PRKCA: variants seen among roughly 807,000 people sequenced by gnomAD.
PRKCA encodes protein kinase C alpha type.
A neutral mutation model predicts 87.0 loss-of-function variants in PRKCA; 27 were observed. That is an observed-to-expected ratio of 0.31 (90% CI 0.23 to 0.43). PRKCA has a LOEUF of 0.43. PRKCA is among the 20% of genes least tolerant of loss of function. PRKCA has a pLI of 1.00. For missense variants in PRKCA, 518 were observed against 852.3 expected (o/e 0.61, Z 4.88); for synonymous variants, 329 against 311.1 (o/e 1.06, Z -0.61).
At chr17:66,614,504 C>G (rs912730787) in intron 3 of PRKCA, among the ~76,000 whole-genome samples, 14 of 152,070 alleles carry the variant, frequency 9.2e-5, no homozygotes, top group African/African-American at 3.1e-4. Flanking sequence ...AAAATGTTAC[C>G]GTTTCCTACC....
chr17:66,695,847 G>C (rs760624218), intron 8 of PRKCA, among the ~76,000 whole-genome samples: 4 of 152,180 alleles, frequency 2.6e-5, no homozygotes, highest in Non-Finnish European at 5.9e-5. Flanking sequence ...AAAGCTGATG[G>C]ATAATATATC....
At chr17:66,656,365 G>A (rs1421086841) in intron 5 of PRKCA, among the ~76,000 whole-genome samples, 1 of 152,216 alleles carries the variant, frequency 6.6e-6, no homozygotes, top group Non-Finnish European at 1.5e-5. Context: ...TGGAAGAGGA[G>A]AAGCAAATTA....
chr17:66,608,332 T>C (rs899981050), intron 3 of PRKCA, among the ~76,000 whole-genome samples: 2 of 152,180 alleles, frequency 1.3e-5, no homozygotes, highest in African/African-American at 4.8e-5. Context: ...CAATTTGCAG[T>C]TCTAAAATCA....
At chr17:66,341,064 C>A (rs1907014898) in intron 2 of PRKCA, among the ~76,000 whole-genome samples, 1 of 152,078 alleles carries the variant, frequency 6.6e-6, no homozygotes, top group African/African-American at 2.4e-5. Flanking sequence ...TTCTTTTTCA[C>A]CCCTCTTTTC....
At chr17:66,319,626 T>C (rs2143202651) in intron 2 of PRKCA, among the ~76,000 whole-genome samples, 1 of 152,332 alleles carries the variant, frequency 6.6e-6, no homozygotes, top group South Asian at 2.1e-4. Flanking sequence ...GCAAAACTTT[T>C]TGTCACTAAG....
At chr17:66,577,850 AGTGGG>A (rs2143440884) in intron 3 of PRKCA, among the ~76,000 whole-genome samples, 1 of 152,018 alleles carries the variant, frequency 6.6e-6, no homozygotes, top group African/African-American at 2.4e-5. Context: ...GGGGGTAGGG[AGTGGG>A]GTGCTGCCCT....
chr17:66,377,325 C>T (rs1037914582), intron 2 of PRKCA, among the ~76,000 whole-genome samples: 2 of 151,738 alleles, frequency 1.3e-5, no homozygotes, highest in African/African-American at 4.8e-5. Flanking sequence ...GTGTCAGGCC[C>T]CAAAGCCTCA....
intron 2 of PRKCA, among the ~76,000 whole-genome samples, chr17:66,315,238 T>G (rs1447700699): frequency 1.3e-5 from 2 of 152,140 alleles, no homozygotes; most frequent in East Asian, 3.8e-4. Flanking sequence ...GTGTTGTGAT[T>G]CCCGTTTTAC....
At chr17:66,571,581 G>GA (rs202134303) in intron 3 of PRKCA, among the ~76,000 whole-genome samples, 1 of 152,022 alleles carries the variant, frequency 6.6e-6, no homozygotes, top group Non-Finnish European at 1.5e-5. Flanking sequence ...CTGAAAGAGG[G>GA]AAAAAAACCC....
At chr17:66,651,050 G>T (rs1025298247) in intron 5 of PRKCA, among the ~76,000 whole-genome samples, 2 of 152,264 alleles carry the variant, frequency 1.3e-5, no homozygotes, top group African/African-American at 4.8e-5. Context: ...GAGAAGGGGA[G>T]CCTCAGTGGC....
chr17:66,491,052 A>G (rs1374816959), intron 2 of PRKCA, among the ~76,000 whole-genome samples: 1 of 152,194 alleles, frequency 6.6e-6, no homozygotes, highest in African/African-American at 2.4e-5. Flanking sequence ...AAGCCAGGCA[A>G]TGTCAAGATT....
At chr17:66,640,477 G>A (rs1046355535) in intron 3 of PRKCA, among the ~76,000 whole-genome samples, 2 of 152,204 alleles carry the variant, frequency 1.3e-5, no homozygotes, top group East Asian at 1.9e-4. Flanking sequence ...GTGCCTTTAC[G>A]ATTTTCATCT....
chr17:66,731,860 T>G (rs1973904906), intron 8 of PRKCA, among the ~76,000 whole-genome samples: 1 of 135,008 alleles, frequency 7.4e-6, no homozygotes. Flanking sequence ...CTCAGCTCAC[T>G]GCAACCTCCG....
At chr17:66,366,880 T>C (rs760908540) in intron 2 of PRKCA, among the ~76,000 whole-genome samples, 148 of 152,190 alleles carry the variant, frequency 9.7e-4, no homozygotes, top group Non-Finnish European at 2.0e-3. Context: ...AAGCACTTCA[T>C]AGTGAGCAAA....
intron 3 of PRKCA, among the ~76,000 whole-genome samples, chr17:66,589,857 GT>G (rs1236142626): frequency 1.3e-5 from 2 of 152,166 alleles, no homozygotes; most frequent in Non-Finnish European, 2.9e-5. Context: ...TTGTGGTGTG[GT>G]TTCAGGATGA....
chr17:66,728,186 T>C (rs766750949), intron 8 of PRKCA, among the ~76,000 whole-genome samples: 2 of 152,178 alleles, frequency 1.3e-5, no homozygotes, highest in Non-Finnish European at 2.9e-5. Flanking sequence ...CTGCTCTTGA[T>C]TGGGGGAGCA....
chr17:66,747,581 G>A (rs1036277901), intron 13 of PRKCA, among the ~76,000 whole-genome samples: 2 of 152,186 alleles, frequency 1.3e-5, no homozygotes, highest in Admixed American at 6.5e-5. Flanking sequence ...AAGAGCAAAG[G>A]TGGGATTTGG....
At chr17:66,773,506 T>C (rs1974984771) in intron 13 of PRKCA, among the ~76,000 whole-genome samples, 2 of 151,060 alleles carry the variant, frequency 1.3e-5, no homozygotes, top group Non-Finnish European at 3.0e-5. Flanking sequence ...TTTTTTTTTT[T>C]TTTTTTTTAA....
chr17:66,318,869 T>G (rs1905476692), intron 2 of PRKCA, among the ~76,000 whole-genome samples: 1 of 151,634 alleles, frequency 6.6e-6, no homozygotes. Flanking sequence ...AAAAAAAGAC[T>G]TGCCGTGGTG....
Sources: gnomAD v4.1 joint callset for allele counts (sites outside exome capture counted in the v4.1 genomes callset) on GRCh38, gnomAD v4.1.1 for gene constraint, MANE v1.5 for transcripts, NCBI Gene and HGNC (gene_info 2026-07-23, HGNC 2026-07-21) for gene names.